The following SLC24A1 variants were observed in gnomAD, a reference collection of about 807,000 sequenced individuals.
The protein encoded by SLC24A1 is sodium/potassium/calcium exchanger 1.
A neutral mutation model predicts 88.1 loss-of-function variants in SLC24A1; 52 were observed. The observed-to-expected ratio is 0.59, with a 90% confidence interval of 0.47 to 0.74. The LOEUF is 0.74. Ranked by LOEUF, SLC24A1 falls within the 30% of genes least tolerant of loss-of-function variation. The pLI is 0.00. For synonymous variants in SLC24A1, 455 were observed against 498.0 expected (o/e 0.91, Z 1.15); for missense variants, 1,173 against 1,363.3 (o/e 0.86, Z 2.20).
At chr15:65,622,892 C>T (rs1352661636) in intron 1 of SLC24A1, among the ~76,000 whole-genome samples, 2 of 152,078 alleles carry the variant, frequency 1.3e-5, no homozygotes, top group Non-Finnish European at 2.9e-5. Flanking sequence ...CAGGCATGCA[C>T]CACCACGCCT....
chr15:65,627,002 T>C (rs2074543722), intron 2 of SLC24A1, among the ~76,000 whole-genome samples: 1 of 152,174 alleles, frequency 6.6e-6, no homozygotes, highest in Non-Finnish European at 1.5e-5. Context: ...GTGAGCAGAA[T>C]TTTGCATGCA....
intron 2 of SLC24A1, among the ~76,000 whole-genome samples, chr15:65,629,997 C>A (rs1186939589): frequency 6.6e-6 from 1 of 152,122 alleles, no homozygotes; most frequent in African/African-American, 2.4e-5. Flanking sequence ...TGAGGTATTG[C>A]CCTGTCACCC....
At chr15:65,653,044 C>T (rs1038372309) in intron 9 of SLC24A1, 24 of 360,494 alleles carry the variant, frequency 6.7e-5, no homozygotes, top group Admixed American at 4.0e-4. Flanking sequence ...AAATTGAAAA[C>T]CAAAGTCCAT....
intron 2 of SLC24A1, among the ~76,000 whole-genome samples, chr15:65,616,707 T>G (rs951962814): frequency 8.5e-5 from 13 of 152,250 alleles, no homozygotes; most frequent in Non-Finnish European, 1.5e-4. Context: ...TTTCTTTTGC[T>G]GTGCAGAAGC....
At chr15:65,644,111 T>G in intron 4 of SLC24A1, 1 of 315,650 alleles carries the variant, frequency 3.2e-6, no homozygotes. Context: ...GTAAAGGAAA[T>G]AAATCCTATT....
chr15:65,613,308 C>T (rs1317895262), intron 2 of SLC24A1, among the ~76,000 whole-genome samples: 1 of 152,186 alleles, frequency 6.6e-6, no homozygotes, highest in Non-Finnish European at 1.5e-5. Context: ...ACAGAAAAAC[C>T]ATGGCTCTCA....
At chr15:65,660,366 T>A, downstream of SLC24A1, 2 of 1,454,928 alleles carry the variant, frequency 1.4e-6, no homozygotes, top group Non-Finnish European at 1.9e-6. Flanking sequence ...GAACTGATTC[T>A]AAGTCTCAGG....
intron 2 of SLC24A1, among the ~76,000 whole-genome samples, chr15:65,614,750 C>G (rs1325434655): frequency 6.6e-6 from 1 of 152,204 alleles, no homozygotes; most frequent in Non-Finnish European, 1.5e-5. Flanking sequence ...TTATCCATCA[C>G]TGGATCCCCC....
At chr15:65,618,724 A>G (rs1383931549), upstream of SLC24A1, among the ~76,000 whole-genome samples, 1 of 152,252 alleles carries the variant, frequency 6.6e-6, no homozygotes, top group Non-Finnish European at 1.5e-5. Context: ...TGCCTCAATC[A>G]TCATGCCTTT....
chr15:65,653,974 A>G lies in SLC24A1; in HGVS notation c.3195A>G (p.Arg1065=), dbSNP rs763343636. 5 of 1,613,950 alleles carry G rather than the reference A, an allele frequency of 3.1e-6. No individual in the cohort carries two copies. In the Admixed American group the frequency reaches 8.3e-5, roughly 27 times the overall value. ...CTTCAATTGCGTCATGTAAATGGAG[A>G]ATGAACAAGATCCTGGGCTTCACAA... ...VISSIASCKW[R]MNKILGFTMF... is the part of the protein sequence containing the mutation. The change falls in exon 10 of 10, where the codon AGA becomes AGG. Residue 1065 remains arginine (R), a synonymous_variant. Transcript: ENST00000261892.
intron 4 of SLC24A1, chr15:65,642,870 C>G: frequency 1.9e-6 from 1 of 534,366 alleles, no homozygotes; most frequent in Admixed American, 2.6e-5. Flanking sequence ...TTGATCCACC[C>G]AGCTTCCCAG....
At chr15:65,642,464 G>A (rs2075161614) in intron 4 of SLC24A1, among the ~76,000 whole-genome samples, 2 of 152,176 alleles carry the variant, frequency 1.3e-5, no homozygotes, top group East Asian at 1.9e-4. Context: ...GCTGTGATGA[G>A]GATGAGAAGG....
rs142249570 is a variant in SLC24A1 at position 65,650,743 on chromosome 15, A to G, written c.2594A>G (p.Glu865Gly). 1,830 of 1,595,112 alleles carry G rather than the reference A, an allele frequency of 1.1e-3. 16 individuals carry two copies. In the African/African-American group the frequency reaches 0.022, roughly 19 times the overall value. Residue 865 changes from glutamate to glycine, a missense_variant, in exon 7 of 10, where the codon GAG (glutamate) becomes GGG (glycine). Physicochemically the swap from Glu to Gly is moderately conservative, Grantham distance 98. Coordinates refer to ENST00000261892, the MANE Select transcript of SLC24A1 (RefSeq NM_004727.3). This position sits in a 1 kb window ranked among gnomAD's most constrained non-coding sequence, Gnocchi z 4.1. ...DGGDSEEEEE[E>G]EEEQEEEEEE... ...GGGGATAGCGAAGAGGAGGAAGAGG[A>G]GGAGGAAGAGCAGGAGGAAGAGGAG... is the stretch of plus-strand genomic sequence containing the variant.
intron 4 of SLC24A1, chr15:65,643,062 T>C: frequency 7.8e-7 from 1 of 1,284,034 alleles, no homozygotes; most frequent in Non-Finnish European, 1.0e-6. Context: ...TTGTTGTTGT[T>C]GTTGTTACAG....
intron 6 of SLC24A1, among the ~76,000 whole-genome samples, chr15:65,649,833 T>C (rs2075435663): frequency 6.6e-6 from 1 of 152,212 alleles, no homozygotes; most frequent in Non-Finnish European, 1.5e-5. Flanking sequence ...TAAGCAACAT[T>C]AATGGAAACA....
intron 2 of SLC24A1, among the ~76,000 whole-genome samples, chr15:65,627,677 C>T (rs1365741292): frequency 1.3e-5 from 2 of 152,184 alleles, no homozygotes; most frequent in Non-Finnish European, 2.9e-5. Flanking sequence ...CTGGTATTCT[C>T]CTCTGAAGAA....
Position 65,654,707 on chromosome 15 carries a change from C to CTT in SLC24A1, c.*642_*643dup, listed in dbSNP as rs75137628. 2,001 of 1,109,288 alleles carry CTT rather than the reference C, an allele frequency of 1.8e-3. No individual in the cohort carries two copies. The highest frequency in any genetic ancestry group is 3.6e-3 in the East Asian group (57 of 15,964). The allele number at this position is 1,109,288 out of a possible 1,614,324, so 68.7% of individuals were successfully genotyped here. A position where few individuals can be genotyped will look rare whatever the true frequency, so the allele number is the denominator to read the frequency against. On this transcript the variant is annotated 3_prime_UTR_variant, in exon 10 of 10. Transcript: ENST00000261892. ...GCATCTGGATATATACCAGTATTTT[C>CTT]TTTTTTTTTTTTTTTGAGACAGAGT...
At chr15:65,651,997 C>G (rs1451040652) in intron 8 of SLC24A1, 3 of 511,206 alleles carry the variant, frequency 5.9e-6, no homozygotes, top group Non-Finnish European at 1.1e-5. Flanking sequence ...CTGCCTGATT[C>G]CAGCTGAACT....
Position 65,655,068 on chromosome 15 carries a change from T to C in SLC24A1, c.*989T>C, listed in dbSNP as rs2075635586. 9.8e-7 allele frequency: 1 copy of C among 1,021,776 alleles called. No individual in the cohort carries two copies. The highest frequency in any genetic ancestry group is 1.2e-6 in the Non-Finnish European group (1 of 851,660). 63.3% of individuals were successfully genotyped at this position (1,021,776 alleles called of 1,614,324 possible). On this transcript the variant is annotated 3_prime_UTR_variant, in exon 10 of 10. Coordinates refer to ENST00000261892, the MANE Select transcript of SLC24A1 (RefSeq NM_004727.3). Reference sequence around the variant, plus strand: ...CTACTCTAGAGGCCATTTAAAAGTATGTATTTATTAGAACATGCAAATTCA... The same window carrying C: ...CTACTCTAGAGGCCATTTAAAAGTACGTATTTATTAGAACATGCAAATTCA...
Sources: allele counts gnomAD v4.1 joint callset (sites outside exome capture counted in the v4.1 genomes callset), GRCh38; gene constraint gnomAD v4.1.1; non-coding constraint Gnocchi (gnomAD v3.1); transcripts MANE v1.5; gene names NCBI Gene and HGNC (gene_info 2026-07-23, HGNC 2026-07-21).